TECPR2: variants seen among roughly 807,000 people sequenced by gnomAD.
The protein encoded by TECPR2 is tectonin beta-propeller repeat containing 2, also known as tectonin beta-propeller repeat-containing protein 2.
In TECPR2, 65 loss-of-function variants were observed where a neutral mutation model predicts 138.1. That is an observed-to-expected ratio of 0.47 (90% CI 0.39 to 0.58). The LOEUF (loss-of-function observed/expected upper bound fraction) is 0.58. Ranked by LOEUF, TECPR2 falls within the 20% of genes least tolerant of loss-of-function variation. The pLI is 0.00. For synonymous variants in TECPR2, 746 were observed against 749.8 expected, an observed-to-expected ratio of 0.99 and a Z score of 0.08; for missense variants, 1,553 against 1,824.5, an observed-to-expected ratio of 0.85 and a Z score of 2.71.
intron 2 of TECPR2, among the ~76,000 whole-genome samples, chr14:102,405,036 T>A (rs1396123458): frequency 6.6e-6 from 1 of 151,470 alleles, no homozygotes; most frequent in Non-Finnish European, 1.5e-5. Flanking sequence ...GGCCGGGGCC[T>A]GGTGGCTCAC....
At chr14:102,487,752 A>G (rs1352489972) in intron 17 of TECPR2, among the ~76,000 whole-genome samples, 4 of 151,398 alleles carry the variant, frequency 2.6e-5, no homozygotes, top group Admixed American at 6.6e-5. Flanking sequence ...TGTGTTAGCC[A>G]GGATGGTCTC....
chr14:102,479,692 G>A (rs1890843813), intron 17 of TECPR2, among the ~76,000 whole-genome samples: 2 of 152,158 alleles, frequency 1.3e-5, no homozygotes, highest in South Asian at 2.1e-4. Context: ...CCATGCTGGC[G>A]TCCCAGCCTG....
intron 17 of TECPR2, among the ~76,000 whole-genome samples, chr14:102,476,231 A>C (rs1275567023): frequency 3.7e-4 from 50 of 135,932 alleles, no homozygotes; most frequent in African/African-American, 1.1e-3. Context: ...AAAAAAAAAA[A>C]CAATATCAAA....
intron 2 of TECPR2, among the ~76,000 whole-genome samples, chr14:102,380,747 C>T (rs928583259): frequency 1.3e-5 from 2 of 152,170 alleles, no homozygotes; most frequent in Non-Finnish European, 2.9e-5. Context: ...GGCGCGATCT[C>T]GGCTCACTGC....
intron 13 of TECPR2, among the ~76,000 whole-genome samples, chr14:102,446,230 C>G (rs1420240758): frequency 6.6e-6 from 1 of 151,910 alleles, no homozygotes; most frequent in Admixed American, 6.6e-5. Flanking sequence ...CCATGCCTGG[C>G]TAGTTTTTTG....
At position 102,424,994 on chromosome 14, in the gene TECPR2, T is replaced by C. The variant is rs773082394; in HGVS notation, c.654T>C (p.Gly218=). ...TQPRKSTGKF[G]ACFIPGLCKQ... The stretch of plus-strand genomic sequence containing the variant: ...CTAATTTTAGTACTGGGAAATTTGG[T>C]GCTTGTTTTATACCAGGACTCTGTA... Residue 218 remains glycine (G), a synonymous_variant, in exon 6 of 20, where the codon GGT becomes GGC. Coordinates refer to ENST00000359520, the MANE Select transcript of TECPR2 (RefSeq NM_014844.5). 1 of 1,606,646 alleles carries C rather than the reference T, an allele frequency of 6.2e-7. No individual in the cohort carries two copies. Among genetic ancestry groups the C allele is most frequent in the Non-Finnish European group, 8.5e-7 (1 of 1,176,240 alleles).
chr14:102,480,062 G>A (rs373432024), intron 17 of TECPR2, among the ~76,000 whole-genome samples: 1 of 152,214 alleles, frequency 6.6e-6, no homozygotes, highest in African/African-American at 2.4e-5. Flanking sequence ...GCTTAAACTC[G>A]CCTTTCACTT....
At chr14:102,477,647 T>C (rs1228047917) in intron 17 of TECPR2, among the ~76,000 whole-genome samples, 1 of 138,708 alleles carries the variant, frequency 7.2e-6, no homozygotes, top group Non-Finnish European at 1.5e-5. Context: ...GCCTCCTGGG[T>C]TCATACCATT....
chr14:102,424,924 C>T, intron 5 of TECPR2, 55 bp from the exon 6 acceptor site: 3 of 1,521,122 alleles, frequency 2.0e-6, no homozygotes, highest in Middle Eastern at 1.8e-4. Flanking sequence ...AACTGCATTA[C>T]TTTAAATCAG....
In TECPR2 at chr14:102,425,039, G is replaced by T. The variant is rs368635700; in HGVS notation, c.699G>T (p.Leu233Phe). 1.9e-6 allele frequency: 3 copies of T among 1,614,014 alleles called. No individual in the cohort carries two copies. In the African/African-American group the frequency reaches 4.0e-5, roughly 22 times the overall value. The change falls in exon 6 of 20, where the codon TTG (leucine) becomes TTT (phenylalanine). Residue 233 changes from leucine (L) to phenylalanine (F), a missense_variant. Leu to Phe is a conservative substitution (Grantham distance 22). Coordinates refer to ENST00000359520, the MANE Select transcript of TECPR2 (RefSeq NM_014844.5). ...TCTGTAAGCAAAGTGATCTAACCTT[G>T]TATGCGTCACGGCCCGGGCTCCGGC... is the stretch of plus-strand genomic sequence containing the variant. The part of the protein sequence containing the change: ...PGLCKQSDLT[L>F]YASRPGLRLW...
chr14:102,425,303 G>C lies in TECPR2; in HGVS notation c.951+12G>C. The C allele has an allele frequency of 6.4e-7, 1 of 1,565,408 alleles. No homozygotes were observed. Among genetic ancestry groups the C allele is most frequent in the South Asian group, 1.2e-5 (1 of 82,936 alleles). ...ACACAGTCAACCAGGTAAGTGAAGG[G>C]ACGCCACCATATCTTCTGTGTCTAT... On this transcript the variant is annotated intron_variant, in intron 6 of 19. Transcript: ENST00000359520.
At position 102,407,392 on chromosome 14, in the gene TECPR2, G is replaced by C. The variant is rs1468786443; in HGVS notation, c.274G>C (p.Val92Leu). 1 of 1,613,700 alleles carries C rather than the reference G, an allele frequency of 6.2e-7. No homozygotes were observed. Among genetic ancestry groups the C allele is most frequent in the South Asian group, 1.1e-5 (1 of 90,960 alleles). The change falls in exon 3 of 20, where the codon GTG (valine) becomes CTG (leucine). Residue 92 changes from valine to leucine, a missense_variant. Physicochemically the swap from Val to Leu is conservative, Grantham distance 32 (BLOSUM62 1). Transcript: ENST00000359520. ...VKLLSCFDDL[V>L]AAGTASGRVA... is the part of the protein sequence containing the mutation. Reference sequence around the variant, plus strand: ...GCTGCTGAGCTGCTTTGATGACCTGGTGGCAGCAGGCACAGCCTCTGGCAG... The same window carrying C: ...GCTGCTGAGCTGCTTTGATGACCTGCTGGCAGCAGGCACAGCCTCTGGCAG...
chr14:102,432,021 G>T lies in TECPR2; in HGVS notation c.1310G>T (p.Ser437Ile). ...GCCACCCCTGAGCTGGGCAAGGGCA[G>T]CCAGCCCCTGTCACAGAGATTCAAC... ...LQATPELGKG[S>I]QPLSQRFNAI... The change falls in exon 8 of 20, where the codon AGC becomes ATC. Residue 437 changes from serine (S) to isoleucine (I), a missense_variant. By Grantham distance (142) the Ser-to-Ile change is moderately radical. Transcript: ENST00000359520. 1 of 1,612,924 alleles carries T rather than the reference G, an allele frequency of 6.2e-7. No individual in the cohort carries two copies. The highest frequency in any genetic ancestry group is 8.5e-7 in the Non-Finnish European group (1 of 1,179,962).
intron 1 of TECPR2, among the ~76,000 whole-genome samples, chr14:102,364,668 A>G (rs1374869374): frequency 2.6e-5 from 4 of 152,196 alleles, no homozygotes; most frequent in Admixed American, 6.5e-5. Flanking sequence ...TTTCAATAGA[A>G]GACTGGCATC....
rs944482198 is a variant in TECPR2, at chr14:102,420,460, C to G, written c.639-4519C>G. Among the ~76,000 whole-genome samples, 1 of 152,098 alleles carries G rather than the reference C, an allele frequency of 6.6e-6. No individual in the cohort carries two copies. Among genetic ancestry groups the G allele is most frequent in the Non-Finnish European group, 1.5e-5 (1 of 68,018 alleles). On this transcript the variant is annotated intron_variant, in intron 5 of 19. Coordinates refer to ENST00000359520, the MANE Select transcript of TECPR2 (RefSeq NM_014844.5). This position sits in a 1 kb window ranked among gnomAD's most constrained non-coding sequence, Gnocchi z 4.1. Reference sequence around the variant, plus strand: ...CTTCACTGCCTTTGACCAACCCACTCATCAGACATTTCCGTTCTTTTTATT... The same window carrying G: ...CTTCACTGCCTTTGACCAACCCACTGATCAGACATTTCCGTTCTTTTTATT...
rs189212309 is a variant in TECPR2, at chr14:102,400,331, C to T, written c.220-7007C>T. ...AAGTGCTGGGATTATAGGCGTGAGC[C>T]ACCGTGCCCAGCCCACATTTTGTTT... On this transcript the variant is annotated intron_variant, in intron 2 of 19. Transcript: ENST00000359520. 1.4e-4 allele frequency among the ~76,000 whole-genome samples: 22 copies of T among 152,290 alleles called. No homozygotes were observed. The East Asian group carries it at 3.1e-3, about 21-fold the overall frequency.
chr14:102,494,904 G>A (rs1417395913), intron 17 of TECPR2, among the ~76,000 whole-genome samples: 1 of 150,976 alleles, frequency 6.6e-6, no homozygotes, highest in Non-Finnish European at 1.5e-5. Flanking sequence ...GCGGCACCCT[G>A]AGTGAGCTCA....
chr14:102,465,263 T>G lies in TECPR2; in HGVS notation c.3763T>G (p.Trp1255Gly). ...PLNPSLMLPA[W>G]IMIEPPVQPA... ...CAATCCCAGTCTCATGCTTCCAGCC[T>G]GGATAATGATTGAGCCACCTGTCCA... Residue 1255 changes from tryptophan (W) to glycine (G), a missense_variant, in exon 17 of 20, where the codon TGG becomes GGG. Physicochemically the swap from Trp to Gly is radical, Grantham distance 184. Transcript: ENST00000359520. The G allele has an allele frequency of 1.2e-6, 2 of 1,613,990 alleles. No homozygotes were observed. Among genetic ancestry groups the G allele is most frequent in the Non-Finnish European group, 1.7e-6 (2 of 1,179,984 alleles).
chr14:102,433,345 T>C (rs1324250148), intron 8 of TECPR2, among the ~76,000 whole-genome samples: 1 of 151,940 alleles, frequency 6.6e-6, no homozygotes, highest in African/African-American at 2.4e-5. Flanking sequence ...GTCCTTCCCA[T>C]GTTTATGTCC....
Sources: allele counts gnomAD v4.1 joint callset (sites outside exome capture counted in the v4.1 genomes callset), GRCh38; gene constraint gnomAD v4.1.1; non-coding constraint Gnocchi (gnomAD v3.1); transcripts MANE v1.5; gene names NCBI Gene and HGNC (gene_info 2026-07-23, HGNC 2026-07-21).